Variants in DLGAP3 observed in about 807,000 individuals in gnomAD.
The protein encoded by DLGAP3 is DLG associated protein 3, also known as disks large-associated protein 3.
In DLGAP3, 17 loss-of-function variants were observed where a neutral mutation model predicts 81.2. The ratio of observed to expected loss-of-function variants is 0.21; its 90% CI spans 0.14 to 0.31. The LOEUF is 0.31. Among genes scored for constraint, DLGAP3 ranks in the 10% least tolerant of loss-of-function variants. The probability of loss-of-function intolerance (pLI) is 1.00; values close to 1 mark genes in which losing one functional copy is unlikely to be tolerated. For missense variants in DLGAP3, 1,124 were observed against 1,388.0 expected (o/e 0.81, Z 3.02); for synonymous variants, 577 against 587.4 (o/e 0.98, Z 0.26).
intron 8 of DLGAP3, among the ~76,000 whole-genome samples, chr1:34,875,080 G>A (rs1639031608): frequency 6.6e-6 from 1 of 152,144 alleles, no homozygotes; most frequent in Non-Finnish European, 1.5e-5. Flanking sequence ...CAGGAATGGA[G>A]GTAGCATCTG....
chr1:34,901,761 G>A (rs774718488), intron 3 of DLGAP3, among the ~76,000 whole-genome samples: 4 of 152,218 alleles, frequency 2.6e-5, no homozygotes, highest in Non-Finnish European at 5.9e-5. Context: ...ACCACAGTGA[G>A]GGGAGAATTG....
chr1:34,892,498 GT>G (rs1639327244), intron 5 of DLGAP3, among the ~76,000 whole-genome samples: 1 of 152,022 alleles, frequency 6.6e-6, no homozygotes, highest in Non-Finnish European at 1.5e-5. Context: ...TTTTGTTCTC[GT>G]TTTTTGTTTT....
chr1:34,886,316 T>A, intron 5 of DLGAP3, 31 bp from the exon 6 acceptor site: 1 of 1,535,180 alleles, frequency 6.5e-7, no homozygotes, highest in Non-Finnish European at 8.8e-7. Flanking sequence ...AGGACAGTTA[T>A]AAGGTGCCGG....
chr1:34,927,446 A>G (rs749586081), intron 1 of DLGAP3, among the ~76,000 whole-genome samples: 4 of 152,174 alleles, frequency 2.6e-5, no homozygotes, highest in Non-Finnish European at 5.9e-5. Flanking sequence ...TCTCCTGGCC[A>G]TCATTCTACA....
intron 5 of DLGAP3, among the ~76,000 whole-genome samples, chr1:34,894,095 G>A (rs1056139187): frequency 5.9e-5 from 9 of 152,118 alleles, no homozygotes; most frequent in Non-Finnish European, 7.3e-5. Flanking sequence ...AACTGAGGTG[G>A]GAGGATTGAT....
intron 5 of DLGAP3, among the ~76,000 whole-genome samples, chr1:34,898,827 T>C (rs1021185350): frequency 6.6e-6 from 1 of 152,224 alleles, no homozygotes; most frequent in Non-Finnish European, 1.5e-5. Flanking sequence ...CACTTAGATA[T>C]GGAACTCACA....
intron 1 of DLGAP3, among the ~76,000 whole-genome samples, chr1:34,926,976 G>A (rs905089074): frequency 1.3e-5 from 2 of 152,164 alleles, no homozygotes; most frequent in African/African-American, 2.4e-5. Context: ...ACATCAGCTG[G>A]AAGAGATGAT....
chr1:34,866,662 G>A (rs1569586768), intron 11 of DLGAP3, among the ~76,000 whole-genome samples: 2 of 152,204 alleles, frequency 1.3e-5, no homozygotes, highest in East Asian at 1.9e-4. Flanking sequence ...CGCAGACAAG[G>A]TCCAGGGACC....
intron 5 of DLGAP3, among the ~76,000 whole-genome samples, chr1:34,890,168 C>T (rs1373489289): frequency 6.6e-6 from 1 of 152,166 alleles, no homozygotes; most frequent in Non-Finnish European, 1.5e-5. Flanking sequence ...CTCACACAGC[C>T]ACGGTACAGT....
intron 5 of DLGAP3, among the ~76,000 whole-genome samples, chr1:34,891,979 AC>A: frequency 6.6e-6 from 1 of 152,392 alleles, no homozygotes; most frequent in East Asian, 1.9e-4. Flanking sequence ...TCAGTATTTA[AC>A]AAAAAATTAT....
chr1:34,900,339 C>T lies in DLGAP3; in HGVS notation c.1108-66G>A, dbSNP rs1639437425. 6.6e-7 allele frequency: 1 copy of T among 1,523,708 alleles called. No homozygotes were observed. Among genetic ancestry groups the T allele is most frequent in the Non-Finnish European group, 9.1e-7 (1 of 1,104,172 alleles). 94.4% of individuals were successfully genotyped at this position (1,523,708 alleles called of 1,614,324 possible). ...GTAAATCTAGAGGCCAGGACTCTTTCCCCACTGCCAGTGGGAGATGCCCTG... is the reference window on the plus strand; with the variant it reads ...GTAAATCTAGAGGCCAGGACTCTTTTCCCACTGCCAGTGGGAGATGCCCTG... On this transcript the variant is annotated intron_variant, in intron 3 of 11. Transcript: ENST00000373347. This position sits in a 1 kb window ranked among gnomAD's most constrained non-coding sequence, Gnocchi z 5.6.
At chr1:34,866,993 G>C (rs1260696615) in intron 11 of DLGAP3, 55 bp downstream of exon 11, 9 of 1,604,962 alleles carry the variant, frequency 5.6e-6, no homozygotes. Flanking sequence ...CACCTCTCTG[G>C]GGAGGGGAAT....
rs1424608510 is a variant in DLGAP3 at position 34,900,037 on chromosome 1, C to T, written c.1313+31G>A. ...CAGGAGTCCAGCATCAGCCTCCTGA[C>T]CCCGCACCCCCCGGCCCTCCCTGTC... On this transcript the variant is annotated intron_variant, in intron 4 of 11. Transcript: ENST00000373347. This position sits in a 1 kb window ranked among gnomAD's most constrained non-coding sequence, Gnocchi z 5.6. 2 of 1,591,602 alleles carry T rather than the reference C, an allele frequency of 1.3e-6. No homozygotes were observed. Among genetic ancestry groups the T allele is most frequent in the Non-Finnish European group, 1.7e-6 (2 of 1,164,820 alleles).
intron 1 of DLGAP3, among the ~76,000 whole-genome samples, chr1:34,916,735 C>T (rs977331014): frequency 8.6e-5 from 13 of 151,284 alleles, no homozygotes; most frequent in African/African-American, 2.4e-4. Context: ...CTCGCTCTGT[C>T]GCCAGGCTGG....
chr1:34,916,869 T>C (rs1272053479), intron 1 of DLGAP3, among the ~76,000 whole-genome samples: 2 of 152,010 alleles, frequency 1.3e-5, no homozygotes, highest in Non-Finnish European at 1.5e-5. Flanking sequence ...CTAATTCTTT[T>C]TTGCATGTTA....
rs556730050 is a variant in DLGAP3 at position 34,895,355 on chromosome 1, G to A, written c.1386+4314C>T. Reference sequence around the variant, plus strand: ...TGCACTCCTACCTGGGCGACAGAGCGAGACTGTCTCAAAAAAAAAAAAAAA... The same window carrying A: ...TGCACTCCTACCTGGGCGACAGAGCAAGACTGTCTCAAAAAAAAAAAAAAA... On this transcript the variant is annotated intron_variant, in intron 5 of 11. Transcript: ENST00000373347. This position sits in a 1 kb window ranked among gnomAD's most constrained non-coding sequence, Gnocchi z 4.5. Among the ~76,000 whole-genome samples the A allele has an allele frequency of 2.2e-3, 320 of 144,928 alleles. 1 individual carries two copies. Among genetic ancestry groups the A allele is most frequent in the Middle Eastern group, 7.4e-3 (2 of 270 alleles).
Position 34,867,281 on chromosome 1 carries a change from C to T in DLGAP3, c.2578-90G>A, listed in dbSNP as rs574548736. ...GAGAAAGTCCTATCCACCCTTACTG[C>T]CAGGAAGCTCAGCCTGGGAGAGTGG... On this transcript the variant is annotated intron_variant, in intron 10 of 11. Transcript: ENST00000373347. The surrounding 1 kb of genome is among the most constrained non-coding windows in gnomAD (Gnocchi z 4.3). 2 of 1,569,476 alleles carry T rather than the reference C, an allele frequency of 1.3e-6. No homozygotes were observed. The highest frequency in any genetic ancestry group is 1.1e-5 in the South Asian group (1 of 89,680).
At chr1:34,874,527 A>G (rs1210234609) in intron 8 of DLGAP3, among the ~76,000 whole-genome samples, 7 of 152,224 alleles carry the variant, frequency 4.6e-5, no homozygotes, top group Non-Finnish European at 1.0e-4. Flanking sequence ...TGCATTCACA[A>G]TATTTTCTCC....
chr1:34,881,804 G>A (rs1004711981), intron 8 of DLGAP3, among the ~76,000 whole-genome samples: 2 of 152,142 alleles, frequency 1.3e-5, no homozygotes, highest in African/African-American at 2.4e-5. Flanking sequence ...AATAGATTCT[G>A]AGAAAACATT....
Sources: allele counts gnomAD v4.1 joint callset (sites outside exome capture counted in the v4.1 genomes callset), GRCh38; gene constraint gnomAD v4.1.1; non-coding constraint Gnocchi (gnomAD v3.1); transcripts MANE v1.5; gene names NCBI Gene and HGNC (gene_info 2026-07-23, HGNC 2026-07-21).